Variants in CDH23 observed in about 807,000 individuals in gnomAD.
The protein encoded by CDH23 is cadherin related 23.
A neutral mutation model predicts 317.1 loss-of-function variants in CDH23; 189 were observed. The observed-to-expected ratio is 0.60, with a 90% CI of 0.53 to 0.67. The LOEUF is 0.67. CDH23 is among the 30% of genes least tolerant of loss of function. The probability of loss-of-function intolerance (pLI) is 0.00; values close to 1 mark genes in which losing one functional copy is unlikely to be tolerated. For missense variants in CDH23, 4,401 were observed against 4,592.4 expected, an observed-to-expected ratio of 0.96 and a Z score of 1.20; for synonymous variants, 1,839 against 1,876.8, an observed-to-expected ratio of 0.98 and a Z score of 0.52.
chr10:71,530,034 G>GACACACACACACACACACACACACAC (rs57652121), intron 6 of CDH23, among the ~76,000 whole-genome samples: 6 of 140,832 alleles, frequency 4.3e-5, no homozygotes, highest in African/African-American at 1.1e-4. Flanking sequence ...CACACATACA[G>GACACACACACACACACACACACACAC]ACACACACAC....
intron 49 of CDH23, among the ~76,000 whole-genome samples, chr10:71,797,707 C>T (rs993718481): frequency 2.6e-5 from 4 of 152,166 alleles, no homozygotes; most frequent in East Asian, 1.9e-4. Flanking sequence ...CGGTGGAGAA[C>T]GGAGGGGCCC....
At chr10:71,433,140 C>T (rs1367029231) in intron 1 of CDH23, among the ~76,000 whole-genome samples, 1 of 152,210 alleles carries the variant, frequency 6.6e-6, no homozygotes, top group Non-Finnish European at 1.5e-5. Flanking sequence ...CCCATAACCT[C>T]ACCACTCACA....
rs1865615464 is a variant in CDH23 at position 71,702,220 on chromosome 10, C to T, written c.2587+9C>T. The T allele has an allele frequency of 6.2e-7, 1 of 1,610,896 alleles. No individual in the cohort carries two copies. The highest frequency in any genetic ancestry group is 8.5e-7 in the Non-Finnish European group (1 of 1,177,938). ...CGTCTCTGTTACTGACTGTATGGACCCCTCTCGCCCCTCACGGCCCCCACA... is the reference window on the plus strand; with the variant it reads ...CGTCTCTGTTACTGACTGTATGGACTCCTCTCGCCCCTCACGGCCCCCACA... On this transcript the variant is annotated intron_variant, in intron 23 of 69. Coordinates refer to ENST00000224721, the MANE Select transcript of CDH23 (RefSeq NM_022124.6).
chr10:71,438,898 C>T (rs1170346550), intron 1 of CDH23, among the ~76,000 whole-genome samples: 2 of 152,200 alleles, frequency 1.3e-5, no homozygotes, highest in African/African-American at 2.4e-5. Context: ...CCTGCACTAC[C>T]AGGGCAGACA....
At chr10:71,631,490 G>A (rs1862013596) in intron 11 of CDH23, among the ~76,000 whole-genome samples, 1 of 152,196 alleles carries the variant, frequency 6.6e-6, no homozygotes. Context: ...AACAGAGGCA[G>A]GACTCAGAAG....
In CDH23 at chr10:71,628,073, T is replaced by C. The variant is rs1327510866; in HGVS notation, c.1134+10680T>C. 2.0e-5 allele frequency among the ~76,000 whole-genome samples: 3 copies of C among 152,148 alleles called. No homozygotes were observed. In the East Asian group the frequency reaches 5.8e-4, roughly 29 times the overall value. On this transcript the variant is annotated intron_variant, in intron 11 of 69. Transcript: ENST00000224721. ...CCCTAACAGTGACAGGTGTGTCTTG[T>C]TTTCCCCCTGTCTTGAACAAGGCTG...
chr10:71,404,366 G>A (rs928835514), intron 1 of CDH23, among the ~76,000 whole-genome samples: 7 of 152,094 alleles, frequency 4.6e-5, no homozygotes, highest in African/African-American at 1.7e-4. Flanking sequence ...TTAAATTTAC[G>A]TGAGCCTGCA....
chr10:71,778,165 T>C, intron 39 of CDH23, 24 bp from the exon 40 acceptor site: 1 of 1,613,602 alleles, frequency 6.2e-7, no homozygotes, highest in Non-Finnish European at 8.5e-7. Context: ...AGATCCATCC[T>C]TGTCCCTTCC....
At chr10:71,687,176 C>T (rs913592305) in intron 18 of CDH23, among the ~76,000 whole-genome samples, 2 of 152,302 alleles carry the variant, frequency 1.3e-5, no homozygotes, top group African/African-American at 4.8e-5. Flanking sequence ...AACCACCTGA[C>T]CCTGAGCTGC....
chr10:71,773,860 C>A (rs1840752398), intron 38 of CDH23, among the ~76,000 whole-genome samples: 1 of 152,186 alleles, frequency 6.6e-6, no homozygotes, highest in South Asian at 2.1e-4. Flanking sequence ...TTTGAGTGAT[C>A]TGGGGACAGA....
chr10:71,695,930 C>T (rs1200246428), intron 22 of CDH23, among the ~76,000 whole-genome samples: 1 of 152,230 alleles, frequency 6.6e-6, no homozygotes, highest in Non-Finnish European at 1.5e-5. Context: ...TGCTGTGCCC[C>T]TGCAGTCATC....
At position 71,707,024 on chromosome 10, in the gene CDH23, T is replaced by C; in HGVS notation, c.3081T>C (p.Asn1027=). The C allele has an allele frequency of 6.2e-7, 1 of 1,607,272 alleles. No individual in the cohort carries two copies. The highest frequency in any genetic ancestry group is 2.2e-5 in the East Asian group (1 of 44,606). ...GCACGGACAACGACGTGGGCCTCAA[T>C]GCAGAGCTCAGCTACTTCATCACAG... The part of the protein sequence containing the change: ...LNCTDNDVGL[N]AELSYFITGG... Residue 1027 remains asparagine, a synonymous_variant, in exon 26 of 70, where the codon AAT becomes AAC. Transcript: ENST00000224721.
chr10:71,534,822 C>CAAG (rs1327122742), intron 6 of CDH23, among the ~76,000 whole-genome samples: 1 of 150,696 alleles, frequency 6.6e-6, no homozygotes, highest in Non-Finnish European at 1.5e-5. Context: ...TGCTCCAAAC[C>CAAG]AAGAAGCAAG....
rs7074646 is a variant in CDH23, at chr10:71,498,846, C to T, written c.146-11236C>T. 5.4e-3 allele frequency among the ~76,000 whole-genome samples: 829 copies of T among 152,272 alleles called. 4 individuals are homozygous for T. The highest frequency in any genetic ancestry group is 0.018 in the African/African-American group (765 of 41,528). Reference sequence around the variant, plus strand: ...GGGTTTCTAAGAGTCAGGGCCAGGTCCCTGAAGTATTGGTATTCAATGTCT... The same window carrying T: ...GGGTTTCTAAGAGTCAGGGCCAGGTTCCTGAAGTATTGGTATTCAATGTCT... On this transcript the variant is annotated intron_variant, in intron 3 of 69. Transcript: ENST00000224721.
intron 19 of CDH23, among the ~76,000 whole-genome samples, chr10:71,688,534 A>AGTC (rs1865003496): frequency 2.8e-5 from 4 of 144,870 alleles, no homozygotes; most frequent in Admixed American, 2.7e-4. Flanking sequence ...GGGGTGGTGG[A>AGTC]ACCAGGGATG....
chr10:71,440,258 G>A (rs984678568), intron 2 of CDH23, among the ~76,000 whole-genome samples: 1 of 152,178 alleles, frequency 6.6e-6, no homozygotes, highest in African/African-American at 2.4e-5. Flanking sequence ...AGCACCTACT[G>A]TTTGCACTGT....
At chr10:71,412,657 TAC>T (rs1271677036) in intron 1 of CDH23, among the ~76,000 whole-genome samples, 14 of 152,166 alleles carry the variant, frequency 9.2e-5, no homozygotes, top group Admixed American at 9.2e-4. Flanking sequence ...TACAGGAGTG[TAC>T]CACTGCACCC....
intron 6 of CDH23, chr10:71,512,131 C>A (rs1024133293): frequency 6.6e-6 from 1 of 152,224 alleles, no homozygotes; most frequent in African/African-American, 2.4e-5. Context: ...TGAGGCTGGG[C>A]ATGGGAGAGT....
At chr10:71,517,441 G>A (rs1372290723) in intron 6 of CDH23, among the ~76,000 whole-genome samples, 1 of 152,128 alleles carries the variant, frequency 6.6e-6, no homozygotes. Context: ...GGTCCAAGAG[G>A]CCAACTTATT....
Sources: gnomAD v4.1 joint callset for allele counts (sites outside exome capture counted in the v4.1 genomes callset) on GRCh38, gnomAD v4.1.1 for gene constraint, MANE v1.5 for transcripts, NCBI Gene and HGNC (gene_info 2026-07-23, HGNC 2026-07-21) for gene names.